FARS2: variants seen among roughly 807,000 people sequenced by gnomAD.
The protein encoded by FARS2 is phenylalanine--tRNA ligase, mitochondrial.
Under a neutral mutation model 46.4 loss-of-function variants are expected in FARS2, and 40 were observed. The observed-to-expected ratio is 0.86, with a 90% CI of 0.67 to 1.12. The LOEUF (loss-of-function observed/expected upper bound fraction) is 1.12. Among genes scored for constraint, FARS2 ranks in the 50% most tolerant of loss-of-function variants. FARS2 has a pLI of 0.00. For missense variants in FARS2, 513 were observed against 567.9 expected, an observed-to-expected ratio of 0.90 and a Z score of 0.98; for synonymous variants, 234 against 214.9, an observed-to-expected ratio of 1.09 and a Z score of -0.78.
chr6:5,504,436 G>A lies in FARS2; in HGVS notation c.905-40744G>A, dbSNP rs199504134. Reference sequence around the variant, plus strand: ...GGGAATGAAATATTTATGCTTTCCAGTAAAAAAAAAAAAAAAAAAAAAGAA... The same window carrying A: ...GGGAATGAAATATTTATGCTTTCCAATAAAAAAAAAAAAAAAAAAAAAGAA... On this transcript the variant is annotated intron_variant, in intron 4 of 6. Transcript: ENST00000274680. 5.1e-3 allele frequency among the ~76,000 whole-genome samples: 267 copies of A among 51,990 alleles called. 2 individuals carry two copies. The highest frequency in any genetic ancestry group is 0.043 in the East Asian group (125 of 2,882). 34.1% of individuals were successfully genotyped at this position (51,990 alleles called of 152,430 possible).
intron 4 of FARS2, among the ~76,000 whole-genome samples, chr6:5,539,378 T>G (rs1468918124): frequency 2.0e-5 from 1 of 50,214 alleles, no homozygotes; most frequent in African/African-American, 1.8e-4. Flanking sequence ...ACCTAATTTT[T>G]TTTGTGTATA....
intron 1 of FARS2, among the ~76,000 whole-genome samples, chr6:5,351,857 A>G (rs1162838593): frequency 6.6e-6 from 1 of 152,240 alleles, no homozygotes; most frequent in Non-Finnish European, 1.5e-5. Flanking sequence ...AGTGTTGGAC[A>G]GTCAAGTTGT....
At chr6:5,530,542 A>T (rs1046363505) in intron 4 of FARS2, among the ~76,000 whole-genome samples, 22 of 151,870 alleles carry the variant, frequency 1.4e-4, no homozygotes, top group African/African-American at 3.9e-4. Flanking sequence ...CTATGGATAT[A>T]TAAGAGAATA....
intron 1 of FARS2, among the ~76,000 whole-genome samples, chr6:5,349,111 A>G (rs1757415456): frequency 6.6e-6 from 1 of 152,200 alleles, no homozygotes; most frequent in Non-Finnish European, 1.5e-5. Flanking sequence ...ACCCTCCTAA[A>G]ACTAATAAGT....
chr6:5,262,307 T>C (rs1207803393), intron 1 of FARS2, among the ~76,000 whole-genome samples: 2 of 152,204 alleles, frequency 1.3e-5, no homozygotes, highest in Non-Finnish European at 2.9e-5. Flanking sequence ...AGATGGAGTC[T>C]CGCTCTGTCG....
intron 1 of FARS2, among the ~76,000 whole-genome samples, chr6:5,331,541 G>A (rs1221320461): frequency 6.6e-6 from 1 of 152,154 alleles, no homozygotes; most frequent in Non-Finnish European, 1.5e-5. Context: ...TAGTTCCCCT[G>A]GTGCTATTAT....
chr6:5,503,396 A>AC (rs1446809712), intron 4 of FARS2, among the ~76,000 whole-genome samples: 1 of 70,926 alleles, frequency 1.4e-5, no homozygotes, highest in Non-Finnish European at 2.9e-5. Context: ...ACACACACAC[A>AC]CACACACACA....
chr6:5,533,060 A>G (rs73356397), intron 4 of FARS2, among the ~76,000 whole-genome samples: 16,947 of 152,134 alleles, frequency 0.11, 1,009 homozygotes, highest in Middle Eastern at 0.17. Flanking sequence ...GAGCTCAGTC[A>G]TTGGGGAGGA....
intron 6 of FARS2, among the ~76,000 whole-genome samples, chr6:5,651,755 C>T (rs9504480): frequency 1.6e-3 from 244 of 152,234 alleles, no homozygotes; most frequent in African/African-American, 5.5e-3. Context: ...GATAGTAGCC[C>T]TATTAGATGG....
At chr6:5,585,635 C>A (rs1260492788) in intron 5 of FARS2, among the ~76,000 whole-genome samples, 3 of 151,982 alleles carry the variant, frequency 2.0e-5, no homozygotes, top group Admixed American at 6.6e-5. Flanking sequence ...TATGTTGTTA[C>A]AAATGGCAGG....
Position 5,545,180 on chromosome 6 carries a change from C to T in FARS2, c.905C>T (p.Ala302Val), listed in dbSNP as rs777903820. 11 of 1,613,606 alleles carry T rather than the reference C, an allele frequency of 6.8e-6. No individual in the cohort carries two copies. In the Admixed American group the frequency reaches 1.7e-4, roughly 24 times the overall value. ...CAACTATTTTGTTTCCTAATCACAG[C>T]TGGTGCTCAAGACCGAATCGGCTGG... ...GVMEQQLVNS[A>V]GAQDRIGWAF... Residue 302 changes from alanine (A) to valine (V), a missense_variant and splice_region_variant, in exon 5 of 7, where the codon GCT becomes GTT. Coordinates refer to ENST00000274680, the MANE Select transcript of FARS2 (RefSeq NM_006567.5).
At chr6:5,551,783 A>C (rs760011467) in intron 5 of FARS2, among the ~76,000 whole-genome samples, 1 of 152,170 alleles carries the variant, frequency 6.6e-6, no homozygotes, top group Non-Finnish European at 1.5e-5. Flanking sequence ...GACAGTCCTC[A>C]GTTCTTAGCT....
intron 4 of FARS2, among the ~76,000 whole-genome samples, chr6:5,505,482 C>T (rs115025004): frequency 0.015 from 2,332 of 152,220 alleles, 45 homozygotes; most frequent in African/African-American, 0.053. Context: ...GGTCCTGAAG[C>T]GACATACATC....
chr6:5,687,811 A>G (rs995657169), intron 6 of FARS2, among the ~76,000 whole-genome samples: 3 of 152,148 alleles, frequency 2.0e-5, no homozygotes, highest in African/African-American at 7.2e-5. Context: ...TTTTCATGAT[A>G]TTGATTCTTC....
At chr6:5,415,367 T>TGCAGTGG (rs1284628297) in intron 3 of FARS2, among the ~76,000 whole-genome samples, 4 of 135,412 alleles carry the variant, frequency 3.0e-5, no homozygotes, top group African/African-American at 1.1e-4. Context: ...AAGGCTGGAG[T>TGCAGTGG]GCAGTGGTGT....
chr6:5,404,770 G>GT, intron 3 of FARS2, 69 bp downstream of exon 3: 28 of 1,003,004 alleles, frequency 2.8e-5, no homozygotes, highest in South Asian at 8.6e-5. Context: ...TTTGGATTTG[G>GT]GTTTTTTTTT....
At chr6:5,755,651 C>A (rs1053979256) in intron 6 of FARS2, among the ~76,000 whole-genome samples, 9 of 152,106 alleles carry the variant, frequency 5.9e-5, no homozygotes, top group Non-Finnish European at 8.8e-5. Context: ...ACTGATCCTT[C>A]TGTCTTTTAT....
chr6:5,626,429 T>C (rs781700262), intron 6 of FARS2, among the ~76,000 whole-genome samples: 2 of 152,122 alleles, frequency 1.3e-5, no homozygotes, highest in Non-Finnish European at 1.5e-5. Flanking sequence ...GTGACTCCCA[T>C]TGGGCCCCCA....
intron 6 of FARS2, among the ~76,000 whole-genome samples, chr6:5,716,477 G>GGACT (rs1296886116): frequency 3.3e-5 from 5 of 152,136 alleles, no homozygotes; most frequent in African/African-American, 1.2e-4. Context: ...TCAACACAGA[G>GGACT]GACTTCTGTG....
Sources: gnomAD v4.1 joint callset for allele counts (sites outside exome capture counted in the v4.1 genomes callset) on GRCh38, gnomAD v4.1.1 for gene constraint, MANE v1.5 for transcripts, NCBI Gene and HGNC (gene_info 2026-07-23, HGNC 2026-07-21) for gene names.